Variants in NDST4 observed in about 807,000 individuals in gnomAD.
NDST4 encodes the protein N-deacetylase and N-sulfotransferase 4, also known as N-heparan sulfate sulfotransferase 4.
Under a neutral mutation model 100.8 loss-of-function variants are expected in NDST4, and 63 were observed. The observed-to-expected ratio is 0.62, with a 90% confidence interval of 0.51 to 0.77. NDST4 has a LOEUF of 0.77. Among genes scored for constraint, NDST4 ranks in the 30% least tolerant of loss-of-function variants. NDST4 has a pLI of 0.00. For synonymous variants in NDST4, 377 were observed against 361.8 expected, an observed-to-expected ratio of 1.04 and a Z score of -0.48; for missense variants, 943 against 1,018.4, an observed-to-expected ratio of 0.93 and a Z score of 1.01.
chr4:115,086,375 T>C (rs1000280525), intron 1 of NDST4, among the ~76,000 whole-genome samples: 3 of 152,092 alleles, frequency 2.0e-5, no homozygotes, highest in Non-Finnish European at 4.4e-5. Context: ...GCCCAGTTTA[T>C]AATTTTCTGC....
intron 3 of NDST4, among the ~76,000 whole-genome samples, chr4:114,971,608 T>C (rs1024070026): frequency 9.2e-5 from 14 of 152,134 alleles, no homozygotes; most frequent in African/African-American, 2.9e-4. Context: ...TCCTGGCTTA[T>C]AGTGTGGGTT....
chr4:114,958,456 T>G (rs1726188235), intron 4 of NDST4, among the ~76,000 whole-genome samples: 1 of 152,116 alleles, frequency 6.6e-6, no homozygotes, highest in Non-Finnish European at 1.5e-5. Context: ...TGTAACATGT[T>G]CCACATCTCC....
At chr4:114,858,714 C>A (rs1723853181) in intron 7 of NDST4, among the ~76,000 whole-genome samples, 1 of 152,148 alleles carries the variant, frequency 6.6e-6, no homozygotes, top group South Asian at 2.1e-4. Context: ...GACCCCCTTA[C>A]CAGTATTCCC....
chr4:114,948,646 A>G (rs749385488), intron 4 of NDST4, among the ~76,000 whole-genome samples: 46 of 152,054 alleles, frequency 3.0e-4, no homozygotes, highest in Admixed American at 2.6e-4. Context: ...TCATCCCCAA[A>G]CAAGTTTACA....
At chr4:114,851,285 T>C (rs190746430) in intron 8 of NDST4, among the ~76,000 whole-genome samples, 49 of 152,296 alleles carry the variant, frequency 3.2e-4, no homozygotes, top group African/African-American at 1.1e-3. Flanking sequence ...ACTTCTACAA[T>C]TGGATTTTAA....
intron 5 of NDST4, 120 bp from the exon 6 acceptor site, chr4:114,935,454 G>T: frequency 1.1e-6 from 1 of 902,502 alleles, no homozygotes. Flanking sequence ...GGTTGCTAAG[G>T]CCAAATCTTA....
chr4:115,070,853 C>T (rs28690869), intron 2 of NDST4, among the ~76,000 whole-genome samples: 3,102 of 152,096 alleles, frequency 0.02, 110 homozygotes, highest in African/African-American at 0.071. Context: ...GCCTGTAATC[C>T]CAGCAACTTG....
chr4:115,062,494 A>C (rs1728845711), intron 2 of NDST4, among the ~76,000 whole-genome samples: 1 of 151,942 alleles, frequency 6.6e-6, no homozygotes, highest in Non-Finnish European at 1.5e-5. Context: ...TGATATATTT[A>C]ACTACAATAA....
At position 114,924,027 on chromosome 4, in the gene NDST4, T is replaced by C. The variant is rs114767589; in HGVS notation, c.1536+11179A>G. Among the ~76,000 whole-genome samples the C allele has an allele frequency of 4.2e-3, 636 of 152,148 alleles. 7 individuals carry two copies. Among genetic ancestry groups the C allele is most frequent in the Middle Eastern group, 0.027 (8 of 294 alleles). Reference sequence around the variant, plus strand: ...ATTCCATCAGAACCGGTAGCAAATATTGTATTAGAAAGATATATGTCTACA... The same window carrying C: ...ATTCCATCAGAACCGGTAGCAAATACTGTATTAGAAAGATATATGTCTACA... On this transcript the variant is annotated intron_variant, in intron 6 of 13. Coordinates refer to ENST00000264363, the MANE Select transcript of NDST4 (RefSeq NM_022569.3).
At chr4:114,989,216 G>A (rs557785850) in intron 2 of NDST4, among the ~76,000 whole-genome samples, 2 of 152,280 alleles carry the variant, frequency 1.3e-5, no homozygotes, top group South Asian at 4.1e-4. Flanking sequence ...AAAAATGCAT[G>A]AATGGTAACA....
intron 1 of NDST4, among the ~76,000 whole-genome samples, chr4:115,103,278 A>G (rs2110344109): frequency 6.6e-6 from 1 of 152,318 alleles, no homozygotes; most frequent in Admixed American, 6.5e-5. Flanking sequence ...CAAAATTATT[A>G]TTCAGAGAAC....
chr4:115,035,988 G>A (rs1338592974), intron 2 of NDST4, among the ~76,000 whole-genome samples: 1 of 151,914 alleles, frequency 6.6e-6, no homozygotes, highest in Non-Finnish European at 1.5e-5. Context: ...TGCAGGACAA[G>A]ATAATAATTG....
intron 2 of NDST4, among the ~76,000 whole-genome samples, chr4:114,985,159 T>C (rs1316558414): frequency 6.6e-6 from 1 of 152,188 alleles, no homozygotes; most frequent in African/African-American, 2.4e-5. Flanking sequence ...ACTGTAGGGA[T>C]CCTACTTCTG....
intron 2 of NDST4, among the ~76,000 whole-genome samples, chr4:115,032,581 A>G (rs1015168359): frequency 6.6e-6 from 1 of 152,130 alleles, no homozygotes; most frequent in Non-Finnish European, 1.5e-5. Context: ...TGCCTGCCTC[A>G]AAAATTAGAG....
chr4:115,098,014 C>T (rs1278584115), intron 1 of NDST4, among the ~76,000 whole-genome samples: 3 of 152,132 alleles, frequency 2.0e-5, no homozygotes, highest in Non-Finnish European at 4.4e-5. Flanking sequence ...TTTCCCGGTG[C>T]AAAATTGCAA....
rs764055251 is a variant in NDST4, at chr4:114,833,684, G to T, written c.2318C>A (p.Ser773Tyr). Residue 773 changes from serine (S) to tyrosine (Y), a missense_variant, in exon 12 of 14, where the codon TCT becomes TAT. Physicochemically the swap from Ser to Tyr is moderately radical, Grantham distance 144 (BLOSUM62 -2). This residue lies in a region of NDST4 where 526 missense variants were observed against 634.1 expected (regional missense o/e 0.83). Transcript: ENST00000264363. The stretch of plus-strand genomic sequence containing the variant: ...TTCATCCATCACAGTAGCTGGGTCA[G>T]ATCTCAGCTGCTGTCCATCAATAAT... ...LLIIDGQQLR[S>Y]DPATVMDEVQ... 1 of 1,611,324 alleles carries T rather than the reference G, an allele frequency of 6.2e-7. No homozygotes were observed. Among genetic ancestry groups the T allele is most frequent in the South Asian group, 1.1e-5 (1 of 90,362 alleles).
At chr4:115,034,957 G>A (rs903592942) in intron 2 of NDST4, among the ~76,000 whole-genome samples, 1 of 151,942 alleles carries the variant, frequency 6.6e-6, no homozygotes, top group Non-Finnish European at 1.5e-5. Flanking sequence ...GAAGTCAGAA[G>A]AGCCTTACAA....
intron 6 of NDST4, among the ~76,000 whole-genome samples, chr4:114,884,518 T>C (rs573455160): frequency 1.1e-4 from 17 of 152,262 alleles, no homozygotes; most frequent in Non-Finnish European, 2.2e-4. Flanking sequence ...ATACATGTTC[T>C]GATAGTAGTT....
chr4:115,023,142 A>G (rs546279625), intron 2 of NDST4, among the ~76,000 whole-genome samples: 28 of 152,210 alleles, frequency 1.8e-4, no homozygotes, highest in African/African-American at 6.5e-4. Flanking sequence ...TGCAGTGTAT[A>G]CTGCTTGGGT....
Sources: gnomAD v4.1 joint callset for allele counts (sites outside exome capture counted in the v4.1 genomes callset) on GRCh38, gnomAD v4.1.1 for gene constraint, gnomAD v4.1.1 regional missense constraint, MANE v1.5 for transcripts, NCBI Gene and HGNC (gene_info 2026-07-23, HGNC 2026-07-21) for gene names.